ARHGAP19: variants seen among roughly 807,000 people sequenced by gnomAD.
ARHGAP19 encodes the protein Rho GTPase activating protein 19, also known as rho GTPase-activating protein 19.
ARHGAP19 carries 48 observed loss-of-function variants against 60.9 expected under a neutral mutation model. The ratio of observed to expected loss-of-function variants is 0.79; its 90% CI spans 0.62 to 1.00. The LOEUF (loss-of-function observed/expected upper bound fraction) is 1.00. Ranked by LOEUF, ARHGAP19 falls within the 50% of genes least tolerant of loss-of-function variation. The pLI is 0.00. For synonymous variants in ARHGAP19, 209 were observed against 215.5 expected (o/e 0.97, Z 0.27); for missense variants, 562 against 597.2 (o/e 0.94, Z 0.61).
At position 97,291,077 on chromosome 10, in the gene ARHGAP19, C is replaced by T. The variant is rs570486074; in HGVS notation, c.56+1495G>A. Among the ~76,000 whole-genome samples, 32 of 152,196 alleles carry T rather than the reference C, an allele frequency of 2.1e-4. No homozygotes were observed. In the East Asian group the frequency reaches 6.0e-3, roughly 28 times the overall value. The stretch of plus-strand genomic sequence containing the variant: ...ACCAATCAGAGAGCTCACTAAAATG[C>T]TAATTAGGCAAAAACAGGAGGTAAA... On this transcript the variant is annotated intron_variant, in intron 1 of 11. Coordinates refer to ENST00000358531, the MANE Select transcript of ARHGAP19 (RefSeq NM_032900.6).
In ARHGAP19 at chr10:97,256,861, C is replaced by G. The variant is rs1173849323; in HGVS notation, c.841-457G>C. Among the ~76,000 whole-genome samples the G allele has an allele frequency of 2.0e-5, 3 of 152,274 alleles. No individual in the cohort carries two copies. In the East Asian group the frequency reaches 5.8e-4, roughly 29 times the overall value. On this transcript the variant is annotated intron_variant, in intron 5 of 11. Coordinates refer to ENST00000358531, the MANE Select transcript of ARHGAP19 (RefSeq NM_032900.6). ...AAATTACCGGGCGTGGTGGCTCATG[C>G]CTGTAATCCCAGCACTTTGGGAGGC...
chr10:97,249,570 C>CA (rs1421750304), intron 6 of ARHGAP19, among the ~76,000 whole-genome samples: 2 of 152,098 alleles, frequency 1.3e-5, no homozygotes, highest in African/African-American at 4.8e-5. Context: ...AGACATTCTA[C>CA]AACACAGTTA....
intron 1 of ARHGAP19, among the ~76,000 whole-genome samples, chr10:97,274,262 G>A (rs550714649): frequency 2.6e-5 from 4 of 152,156 alleles, no homozygotes; most frequent in East Asian, 3.9e-4. Flanking sequence ...TCAGGAGTTC[G>A]AGACCAGCAT....
intron 5 of ARHGAP19, 143 bp from the exon 6 acceptor site, chr10:97,256,547 T>C: frequency 1.6e-6 from 1 of 615,636 alleles, no homozygotes; most frequent in Non-Finnish European, 2.8e-6. Flanking sequence ...GGGAAGACTT[T>C]TTGGTTCATC....
chr10:97,238,405 G>A (rs1194956196), intron 8 of ARHGAP19, among the ~76,000 whole-genome samples: 1 of 152,048 alleles, frequency 6.6e-6, no homozygotes, highest in African/African-American at 2.4e-5. Context: ...AATATTTTGT[G>A]GATACAAGGT....
chr10:97,291,447 C>A (rs1337707890), intron 1 of ARHGAP19, among the ~76,000 whole-genome samples: 1 of 152,174 alleles, frequency 6.6e-6, no homozygotes, highest in Non-Finnish European at 1.5e-5. Flanking sequence ...GCGCCCGCCA[C>A]CACACCCGGC....
intron 4 of ARHGAP19, among the ~76,000 whole-genome samples, chr10:97,262,197 A>T (rs79452365): frequency 2.3e-4 from 2 of 8,658 alleles, no homozygotes; most frequent in East Asian, 9.1e-3. Flanking sequence ...AAAAAAAAAA[A>T]TTTTTTTTTT....
chr10:97,287,223 T>C (rs1356544490), intron 1 of ARHGAP19, among the ~76,000 whole-genome samples: 1 of 152,170 alleles, frequency 6.6e-6, no homozygotes, highest in African/African-American at 2.4e-5. Context: ...AATACTGGGA[T>C]TACAGGCGTG....
intron 4 of ARHGAP19, among the ~76,000 whole-genome samples, chr10:97,261,796 T>A (rs1842832307): frequency 6.6e-6 from 1 of 152,140 alleles, no homozygotes; most frequent in Non-Finnish European, 1.5e-5. Context: ...ACTGCAGTAA[T>A]GGATATTGAT....
intron 9 of ARHGAP19, 108 bp downstream of exon 9, chr10:97,235,109 C>G: frequency 1.9e-6 from 2 of 1,064,962 alleles, no homozygotes; most frequent in Non-Finnish European, 2.8e-6. Context: ...TAAACTAGCC[C>G]TTTATAGGGT....
chr10:97,231,715 C>G (rs1851021606), intron 9 of ARHGAP19, among the ~76,000 whole-genome samples: 1 of 152,194 alleles, frequency 6.6e-6, no homozygotes, highest in Non-Finnish European at 1.5e-5. Flanking sequence ...AGTCAATAGA[C>G]AGTTGGGTTG....
chr10:97,272,880 G>T (rs1266605616), intron 1 of ARHGAP19, among the ~76,000 whole-genome samples: 1 of 144,302 alleles, frequency 6.9e-6, no homozygotes, highest in Non-Finnish European at 1.5e-5. Context: ...TCGCTCTGTC[G>T]CCCAGGCTGG....
chr10:97,266,213 C>G (rs1211626656), intron 1 of ARHGAP19, 88 bp from the exon 2 acceptor site: 2 of 1,481,792 alleles, frequency 1.3e-6, no homozygotes, highest in Middle Eastern at 1.8e-4. Context: ...CCTGACTCCA[C>G]GCAAAGGCAG....
At chr10:97,265,747 T>A in intron 2 of ARHGAP19, 113 bp downstream of exon 2, 5 of 1,401,848 alleles carry the variant, frequency 3.6e-6, no homozygotes, top group Non-Finnish European at 4.8e-6. Flanking sequence ...ACTGAAAAAA[T>A]GGCCAAAAAA....
intron 1 of ARHGAP19, among the ~76,000 whole-genome samples, chr10:97,274,805 T>C (rs1843003167): frequency 6.6e-6 from 1 of 152,198 alleles, no homozygotes; most frequent in Non-Finnish European, 1.5e-5. Flanking sequence ...TAGCTAGATA[T>C]GTAGGCATAC....
chr10:97,247,966 C>CTTTT (rs377506718), intron 6 of ARHGAP19, among the ~76,000 whole-genome samples: 4 of 135,072 alleles, frequency 3.0e-5, no homozygotes, highest in African/African-American at 5.5e-5. Context: ...GTGGTTTTGA[C>CTTTT]TTTTTTTTTT....
rs551426978 is a variant in ARHGAP19 at position 97,253,566 on chromosome 10, CACTT to C, written c.927+2748_927+2751del. 2.0e-3 allele frequency among the ~76,000 whole-genome samples: 306 copies of C among 152,178 alleles called. 3 individuals are homozygous for C. The highest frequency in any genetic ancestry group is 7.1e-3 in the African/African-American group (295 of 41,516). On this transcript the variant is annotated intron_variant, in intron 6 of 11. Coordinates refer to ENST00000358531, the MANE Select transcript of ARHGAP19 (RefSeq NM_032900.6). The stretch of plus-strand genomic sequence containing the variant: ...GTGAGATAGAAGAAATATGTTCTAA[CACTT>C]AATAGCAAAGCAGCATGACTATAGT...
chr10:97,235,367 G>T, intron 8 of ARHGAP19, 52 bp from the exon 9 acceptor site: 1 of 1,474,642 alleles, frequency 6.8e-7, no homozygotes, highest in Non-Finnish European at 9.4e-7. Context: ...TCAAGACACG[G>T]CATTCTGTGA....
chr10:97,265,734 A>C, intron 2 of ARHGAP19, 126 bp downstream of exon 2: 1 of 1,240,668 alleles, frequency 8.1e-7, no homozygotes, highest in Non-Finnish European at 1.1e-6. Context: ...ACTACTTATA[A>C]AAACTGAAAA....
Sources: allele counts gnomAD v4.1 joint callset (sites outside exome capture counted in the v4.1 genomes callset), GRCh38; gene constraint gnomAD v4.1.1; transcripts MANE v1.5; gene names NCBI Gene and HGNC (gene_info 2026-07-23, HGNC 2026-07-21).